The following CDK8 variants were observed in gnomAD, a reference collection of about 807,000 sequenced individuals.
CDK8 encodes the protein cyclin dependent kinase 8.
CDK8 carries 29 observed loss-of-function variants against 71.5 expected under a neutral mutation model. That is an observed-to-expected ratio of 0.41 (90% confidence interval 0.30 to 0.55). The LOEUF (loss-of-function observed/expected upper bound fraction) is 0.55. CDK8 is among the 20% of genes least tolerant of loss of function. The probability of loss-of-function intolerance (pLI) is 0.37; values close to 1 mark genes in which losing one functional copy is unlikely to be tolerated. For synonymous variants in CDK8, 161 were observed against 192.1 expected (o/e 0.84, Z 1.34); for missense variants, 288 against 572.6 (o/e 0.50, Z 5.07).
chr13:26,323,012 T>G (rs1055045528), intron 1 of CDK8, among the ~76,000 whole-genome samples: 33 of 152,168 alleles, frequency 2.2e-4, no homozygotes, highest in African/African-American at 8.0e-4. Flanking sequence ...TTCTTGTTTG[T>G]TTTTTGGGCA....
At chr13:26,402,361 T>C (rs1034766763) in intron 12 of CDK8, among the ~76,000 whole-genome samples, 1 of 152,180 alleles carries the variant, frequency 6.6e-6, no homozygotes, top group Admixed American at 6.5e-5. Flanking sequence ...TTGAAAATTG[T>C]ATACCACCTC....
At position 26,382,589 on chromosome 13, in the gene CDK8, C is replaced by T. The variant is rs528045780; in HGVS notation, c.457-225C>T. 2.1e-3 allele frequency among the ~76,000 whole-genome samples: 321 copies of T among 152,316 alleles called. 1 individual carries two copies. Among genetic ancestry groups the T allele is most frequent in the African/African-American group, 7.5e-3 (310 of 41,576 alleles). Reference sequence around the variant, plus strand: ...CTGATAAGAGGGCCAAGAAAAGCCTCAGCCTTCTGTGGAGAAAAGCACTGC... The same window carrying T: ...CTGATAAGAGGGCCAAGAAAAGCCTTAGCCTTCTGTGGAGAAAAGCACTGC... On this transcript the variant is annotated intron_variant, in intron 4 of 12. Coordinates refer to ENST00000381527, the MANE Select transcript of CDK8 (RefSeq NM_001260.3).
chr13:26,346,908 T>C (rs1873483497), intron 2 of CDK8, among the ~76,000 whole-genome samples: 1 of 152,230 alleles, frequency 6.6e-6, no homozygotes, highest in South Asian at 2.1e-4. Flanking sequence ...CATTGATTCT[T>C]ATTTTTGTGG....
At chr13:26,372,137 A>C (rs952411730) in intron 4 of CDK8, among the ~76,000 whole-genome samples, 1 of 152,202 alleles carries the variant, frequency 6.6e-6, no homozygotes, top group African/African-American at 2.4e-5. Context: ...TGACAAAGAC[A>C]CAAGTCTGCA....
At chr13:26,276,518 T>C (rs1872569417) in intron 1 of CDK8, among the ~76,000 whole-genome samples, 2 of 152,228 alleles carry the variant, frequency 1.3e-5, no homozygotes, top group Non-Finnish European at 2.9e-5. Context: ...AAAACAAGTT[T>C]TCCAGCTATC....
At chr13:26,336,289 T>C (rs1872979680) in intron 1 of CDK8, among the ~76,000 whole-genome samples, 1 of 152,200 alleles carries the variant, frequency 6.6e-6, no homozygotes, top group African/African-American at 2.4e-5. Flanking sequence ...ATTCTCATTC[T>C]AATGAGTGCC....
intron 1 of CDK8, among the ~76,000 whole-genome samples, chr13:26,312,568 C>G (rs34937489): frequency 1.3e-5 from 2 of 151,844 alleles, no homozygotes; most frequent in Admixed American, 1.3e-4. Flanking sequence ...ACGAACCCTC[C>G]GGAAGGAAGA....
chr13:26,324,488 T>C (rs149736632), intron 1 of CDK8, among the ~76,000 whole-genome samples: 4 of 152,306 alleles, frequency 2.6e-5, no homozygotes, highest in African/African-American at 9.6e-5. Context: ...GAGTATAACA[T>C]GAACACTTCA....
intron 1 of CDK8, among the ~76,000 whole-genome samples, chr13:26,332,440 A>C (rs772096284): frequency 1.3e-5 from 2 of 151,844 alleles, no homozygotes; most frequent in African/African-American, 2.4e-5. Context: ...AGCTGAGATC[A>C]TGCCACTGCA....
intron 4 of CDK8, among the ~76,000 whole-genome samples, chr13:26,373,244 GT>G (rs1217828365): frequency 1.3e-5 from 2 of 151,834 alleles, no homozygotes; most frequent in Admixed American, 6.6e-5. Flanking sequence ...AATTGGTAGG[GT>G]TTTTTTTACA....
intron 4 of CDK8, among the ~76,000 whole-genome samples, chr13:26,366,623 CTCTAAGTAGG>C (rs1378846488): frequency 6.6e-6 from 1 of 151,980 alleles, no homozygotes; most frequent in African/African-American, 2.4e-5. Context: ...AAGTATAATA[CTCTAAGTAGG>C]TATGTGTTCT....
intron 2 of CDK8, among the ~76,000 whole-genome samples, chr13:26,347,460 T>G (rs1241427579): frequency 6.6e-6 from 1 of 152,226 alleles, no homozygotes; most frequent in African/African-American, 2.4e-5. Context: ...CAGATTTGTT[T>G]CAAGTTCAAT....
intron 1 of CDK8, among the ~76,000 whole-genome samples, chr13:26,283,286 A>G (rs569326180): frequency 6.6e-6 from 1 of 152,356 alleles, no homozygotes; most frequent in Non-Finnish European, 1.5e-5. Context: ...GATAGACCAT[A>G]TGATAGGTCA....
chr13:26,303,920 G>C (rs143862055), intron 1 of CDK8, among the ~76,000 whole-genome samples: 1,543 of 152,152 alleles, frequency 0.01, 16 homozygotes, highest in Non-Finnish European at 0.017. Flanking sequence ...CTGTTGGTTT[G>C]ATGTTTGCCA....
intron 1 of CDK8, among the ~76,000 whole-genome samples, chr13:26,311,256 A>G (rs1469309056): frequency 6.6e-6 from 1 of 152,106 alleles, no homozygotes; most frequent in Non-Finnish European, 1.5e-5. Context: ...ATACCTTGTA[A>G]AAGATCTCAC....
intron 1 of CDK8, among the ~76,000 whole-genome samples, chr13:26,336,314 C>G (rs926874218): frequency 3.9e-5 from 6 of 152,144 alleles, no homozygotes; most frequent in African/African-American, 1.2e-4. Flanking sequence ...GGATTTCTTT[C>G]AGAGATGATC....
intron 1 of CDK8, among the ~76,000 whole-genome samples, chr13:26,298,344 C>T (rs1873661205): frequency 6.6e-6 from 1 of 152,052 alleles, no homozygotes; most frequent in South Asian, 2.1e-4. Flanking sequence ...AAGCCAGTGG[C>T]AATATCTTAG....
At chr13:26,402,052 C>T (rs567484004) in intron 12 of CDK8, among the ~76,000 whole-genome samples, 1 of 152,328 alleles carries the variant, frequency 6.6e-6, no homozygotes, top group South Asian at 2.1e-4. Flanking sequence ...AGATCCCAGT[C>T]TGGCCACTTA....
At chr13:26,310,961 CACA>C (rs980661395) in intron 1 of CDK8, among the ~76,000 whole-genome samples, 2 of 152,024 alleles carry the variant, frequency 1.3e-5, no homozygotes, top group African/African-American at 4.8e-5. Flanking sequence ...CCTACCCACC[CACA>C]ACATCACTTC....
Sources: gnomAD v4.1 joint callset for allele counts (sites outside exome capture counted in the v4.1 genomes callset) on GRCh38, gnomAD v4.1.1 for gene constraint, MANE v1.5 for transcripts, NCBI Gene and HGNC (gene_info 2026-07-23, HGNC 2026-07-21) for gene names.